Variants in ECE1 observed in about 807,000 individuals in gnomAD.
The protein encoded by ECE1 is endothelin converting enzyme 1.
In ECE1, 35 loss-of-function variants were observed where a neutral mutation model predicts 98.6. That is an observed-to-expected ratio of 0.35 (90% confidence interval 0.27 to 0.47). The LOEUF (loss-of-function observed/expected upper bound fraction) is 0.47. ECE1 is among the 20% of genes least tolerant of loss of function. The probability of loss-of-function intolerance (pLI) is 1.00; values close to 1 mark genes in which losing one functional copy is unlikely to be tolerated. For synonymous variants in ECE1, 394 were observed against 407.1 expected, an observed-to-expected ratio of 0.97 and a Z score of 0.39; for missense variants, 814 against 1,025.3, an observed-to-expected ratio of 0.79 and a Z score of 2.81.
At chr1:21,281,757 C>CACG (rs2098254860) in intron 2 of ECE1, among the ~76,000 whole-genome samples, 1 of 152,194 alleles carries the variant, frequency 6.6e-6, no homozygotes, top group African/African-American at 2.4e-5. Context: ...AGTGCAATGG[C>CACG]ACGATCTCGG....
chr1:21,248,314 C>T (rs1299437164), intron 8 of ECE1, among the ~76,000 whole-genome samples: 5 of 151,920 alleles, frequency 3.3e-5, no homozygotes. Flanking sequence ...GGGATTACAA[C>T]AGGCACCCAC....
intron 17 of ECE1, among the ~76,000 whole-genome samples, chr1:21,222,686 C>T (rs940205761): frequency 6.6e-6 from 1 of 151,556 alleles, no homozygotes; most frequent in Non-Finnish European, 1.5e-5. Flanking sequence ...ACTAAAAATA[C>T]AAAAATTAGC....
rs2098241547 is a variant in ECE1 at position 21,272,630 on chromosome 1, G to A, written c.493+69C>T. On this transcript the variant is annotated intron_variant, in intron 4 of 18. Coordinates refer to ENST00000374893, the MANE Select transcript of ECE1 (RefSeq NM_001397.3). ...TCCTCCTTTAAGCAGGCGCAGCTGG[G>A]AAGCTGGCTGGGCCAGCTGACAGCT... The A allele has an allele frequency of 3.8e-6, 6 of 1,588,712 alleles. No homozygotes were observed. The South Asian group carries it at 5.6e-5, about 15-fold the overall frequency.
At chr1:21,320,958 C>A (rs934290298) in intron 1 of ECE1, among the ~76,000 whole-genome samples, 4 of 152,220 alleles carry the variant, frequency 2.6e-5, no homozygotes, top group Non-Finnish European at 5.9e-5. Context: ...GCTGCAGAAC[C>A]TCCTGGTTTG....
intron 14 of ECE1, among the ~76,000 whole-genome samples, chr1:21,232,835 A>G (rs938672023): frequency 2.6e-5 from 4 of 151,452 alleles, no homozygotes; most frequent in Non-Finnish European, 5.9e-5. Flanking sequence ...GCGCCACCAC[A>G]CCCGGTTAAT....
At position 21,271,422 on chromosome 1, in the gene ECE1, T is replaced by G. The variant is rs28367959; in HGVS notation, c.493+1277A>C. 4.9e-3 allele frequency among the ~76,000 whole-genome samples: 744 copies of G among 152,372 alleles called. 4 individuals carry two copies. The highest frequency in any genetic ancestry group is 0.014 in the South Asian group (67 of 4,830). ...CCCTTTAAGAAGATCTGTCCCCTTT[T>G]GGGTATCTTCTATTGTACCTGCCTT... On this transcript the variant is annotated intron_variant, in intron 4 of 18. Coordinates refer to ENST00000374893, the MANE Select transcript of ECE1 (RefSeq NM_001397.3).
At position 21,257,514 on chromosome 1, in the gene ECE1, G is replaced by C. The variant is rs912505626; in HGVS notation, c.828+11C>G. On this transcript the variant is annotated intron_variant, in intron 7 of 18. Coordinates refer to ENST00000374893, the MANE Select transcript of ECE1 (RefSeq NM_001397.3). ...CTGGGAGGCAGGCTGGGAGGGGAGA[G>C]GCACGCTTACCTTCTCGTTTTCAGT... 1 of 1,614,138 alleles carries C rather than the reference G, an allele frequency of 6.2e-7. No homozygotes were observed. The highest frequency in any genetic ancestry group is 1.3e-5 in the African/African-American group (1 of 75,068).
intron 11 of ECE1, among the ~76,000 whole-genome samples, chr1:21,237,853 C>G (rs1356239086): frequency 6.6e-6 from 1 of 152,260 alleles, no homozygotes; most frequent in East Asian, 1.9e-4. Flanking sequence ...CTGGGTCGTT[C>G]ACAGCCCTTG....
At chr1:21,296,537 T>C (rs1638359974) in intron 1 of ECE1, among the ~76,000 whole-genome samples, 1 of 145,868 alleles carries the variant, frequency 6.9e-6, no homozygotes, top group African/African-American at 2.8e-5. Context: ...GAGAGAGAAA[T>C]AAAATAAAAT....
intron 4 of ECE1, among the ~76,000 whole-genome samples, chr1:21,267,750 C>T (rs2098235719): frequency 6.6e-6 from 1 of 152,194 alleles, no homozygotes; most frequent in Admixed American, 6.5e-5. Flanking sequence ...GGATAGAAAG[C>T]ATTCATGATG....
chr1:21,261,436 A>G (rs1203607928), intron 4 of ECE1, among the ~76,000 whole-genome samples: 1 of 152,012 alleles, frequency 6.6e-6, no homozygotes, highest in Non-Finnish European at 1.5e-5. Context: ...TGTGGGACAC[A>G]AGAGAAAACA....
At chr1:21,267,443 CAGG>C (rs1429862586) in intron 4 of ECE1, among the ~76,000 whole-genome samples, 2 of 152,132 alleles carry the variant, frequency 1.3e-5, no homozygotes, top group African/African-American at 4.8e-5. Flanking sequence ...AGAGGCTGTG[CAGG>C]AGAACTCCCA....
At chr1:21,304,232 C>T (rs974436909) in intron 1 of ECE1, among the ~76,000 whole-genome samples, 9 of 139,756 alleles carry the variant, frequency 6.4e-5, no homozygotes, top group Non-Finnish European at 1.4e-4. Flanking sequence ...AGGAGAATGG[C>T]GTGAACCCGG....
At chr1:21,324,341 G>A (rs1415981566) in intron 1 of ECE1, among the ~76,000 whole-genome samples, 1 of 152,212 alleles carries the variant, frequency 6.6e-6, no homozygotes, top group Non-Finnish European at 1.5e-5. Context: ...GGAAGCAGGG[G>A]GCAGAGGCCC....
At position 21,258,625 on chromosome 1, in the gene ECE1, C is replaced by T; in HGVS notation, c.762+68G>A. On this transcript the variant is annotated intron_variant, in intron 6 of 18. Coordinates refer to ENST00000374893, the MANE Select transcript of ECE1 (RefSeq NM_001397.3). The surrounding 1 kb of genome is among the most constrained non-coding windows in gnomAD (Gnocchi z 4.2). ...GCAAGCCCCTCTCCCACCCCAGGTC[C>T]TGCTAAACTCAAAACAGGAAGAGGT... 1 of 1,589,794 alleles carries T rather than the reference C, an allele frequency of 6.3e-7. No individual in the cohort carries two copies. Among genetic ancestry groups the T allele is most frequent in the Non-Finnish European group, 8.6e-7 (1 of 1,163,532 alleles).
intron 1 of ECE1, among the ~76,000 whole-genome samples, chr1:21,321,311 A>G (rs986015091): frequency 2.6e-5 from 4 of 152,182 alleles, no homozygotes; most frequent in African/African-American, 9.7e-5. Flanking sequence ...CCCAGATAAC[A>G]GCTGGGAAGA....
chr1:21,303,089 C>T (rs1005385516), intron 1 of ECE1, among the ~76,000 whole-genome samples: 2 of 152,236 alleles, frequency 1.3e-5, no homozygotes, highest in African/African-American at 4.8e-5. Flanking sequence ...AGCCCCACCA[C>T]TGGCTGCTTT....
Position 21,345,408 on chromosome 1 carries a change from A to G in ECE1, c.-30T>C. 1 of 1,329,090 alleles carries G rather than the reference A, an allele frequency of 7.5e-7. No homozygotes were observed. Among genetic ancestry groups the G allele is most frequent in the East Asian group, 3.3e-5 (1 of 30,286 alleles). The allele number at this position is 1,329,090 out of a possible 1,614,324, so 82.3% of individuals were successfully genotyped here. ...CGCGTGCTCCGCCCCGGCTTCGCGC[A>G]GCTCCCCGCGCCCGGCTCCCGATTC... On this transcript the variant is annotated 5_prime_UTR_variant, in exon 1 of 19. Transcript: ENST00000415912. This position sits in a 1 kb window ranked among gnomAD's most constrained non-coding sequence, Gnocchi z 5.1.
chr1:21,320,505 TA>T (rs1441172400), intron 1 of ECE1, among the ~76,000 whole-genome samples: 1 of 152,200 alleles, frequency 6.6e-6, no homozygotes, highest in Admixed American at 6.5e-5. Context: ...TAAAAATAAG[TA>T]GAAAATTCTT....
Sources: allele counts gnomAD v4.1 joint callset (sites outside exome capture counted in the v4.1 genomes callset), GRCh38; gene constraint gnomAD v4.1.1; non-coding constraint Gnocchi (gnomAD v3.1); transcripts MANE v1.5; gene names NCBI Gene and HGNC (gene_info 2026-07-23, HGNC 2026-07-21).